Variants in ELP4 observed in about 807,000 individuals in gnomAD.
The protein encoded by ELP4 is elongator acetyltransferase complex subunit 4.
A neutral mutation model predicts 48.9 loss-of-function variants in ELP4; 51 were observed. The observed-to-expected ratio is 1.04, with a 90% confidence interval of 0.83 to 1.32. ELP4 has a LOEUF of 1.32. Ranked by LOEUF, ELP4 falls within the 40% of genes most tolerant of loss-of-function variation. The pLI is 0.00. For synonymous variants in ELP4, 210 were observed against 189.2 expected (o/e 1.11, Z -0.90); for missense variants, 519 against 514.6 (o/e 1.01, Z -0.08).
Position 31,567,984 on chromosome 11 carries a change from T to C in ELP4, c.382-26786T>C, listed in dbSNP as rs566258628. Among the ~76,000 whole-genome samples the C allele has an allele frequency of 1.4e-4, 21 of 152,314 alleles. No individual in the cohort carries two copies. In the South Asian group the frequency reaches 2.7e-3, roughly 20 times the overall value. On this transcript the variant is annotated intron_variant, in intron 3 of 9. Transcript: ENST00000640961. Reference sequence around the variant, plus strand: ...TGCCACATCAATTGACTCTTCTTCTTATTAAAGATTTGGGTCTGTACAAGT... The same window carrying C: ...TGCCACATCAATTGACTCTTCTTCTCATTAAAGATTTGGGTCTGTACAAGT...
At chr11:31,625,796 G>GA (rs1474344510) in intron 5 of ELP4, among the ~76,000 whole-genome samples, 1 of 151,744 alleles carries the variant, frequency 6.6e-6, no homozygotes, top group African/African-American at 2.4e-5. Context: ...ACTATGTTCT[G>GA]AAAAGTTGAT....
At chr11:31,650,609 C>T (rs996491710) in intron 9 of ELP4, 25 of 162,288 alleles carry the variant, frequency 1.5e-4, no homozygotes, top group African/African-American at 6.0e-4. Flanking sequence ...TTCTTATCTA[C>T]ATTTTAAAAG....
At chr11:31,745,213 A>G (rs1020465946) in intron 9 of ELP4, among the ~76,000 whole-genome samples, 1 of 152,226 alleles carries the variant, frequency 6.6e-6, no homozygotes, top group Non-Finnish European at 1.5e-5. Context: ...AAGGAGAACT[A>G]CAAACCACTG....
intron 9 of ELP4, among the ~76,000 whole-genome samples, chr11:31,778,448 T>C (rs888973058): frequency 2.0e-5 from 3 of 152,248 alleles, no homozygotes; most frequent in African/African-American, 7.2e-5. Context: ...TTGTTCGTTA[T>C]ATTTGTAGAT....
rs757792983 is a variant in ELP4 at position 31,668,675 on chromosome 11, C to CATGT, written c.1143+18454_1143+18455insATGT. On this transcript the variant is annotated intron_variant, in intron 9 of 9. Transcript: ENST00000640961. ...ATCGGAATGAAATTTCCTTTGGTAC[C>CATGT]GTGTGTGTGTGTGTGTGTGTGTGTG... is the stretch of plus-strand genomic sequence containing the variant. 5.8e-3 allele frequency among the ~76,000 whole-genome samples: 706 copies of CATGT among 121,090 alleles called. 22 individuals are homozygous for CATGT. Among genetic ancestry groups the CATGT allele is most frequent in the African/African-American group, 0.018 (593 of 32,236 alleles). The allele number at this position is 121,090 out of a possible 152,430, so 79.4% of individuals were successfully genotyped here. A position where few individuals can be genotyped will look rare whatever the true frequency, so the allele number is the denominator to read the frequency against.
intron 9 of ELP4, among the ~76,000 whole-genome samples, chr11:31,763,004 C>T (rs1273218686): frequency 6.6e-6 from 1 of 151,334 alleles, no homozygotes; most frequent in Non-Finnish European, 1.5e-5. Context: ...AACAAAAGTA[C>T]TTTAAATAAT....
At chr11:31,716,251 C>T (rs1428867077) in intron 9 of ELP4, among the ~76,000 whole-genome samples, 1 of 151,926 alleles carries the variant, frequency 6.6e-6, no homozygotes, top group African/African-American at 2.4e-5. Flanking sequence ...AGCCTCAAAC[C>T]ATTCCCCTGT....
intron 9 of ELP4, among the ~76,000 whole-genome samples, chr11:31,678,489 ATATG>A (rs1386210365): frequency 1.7e-4 from 10 of 57,356 alleles, no homozygotes; most frequent in Admixed American, 4.0e-4. Context: ...TTGCATACAT[ATATG>A]TATGTGTGTG....
At chr11:31,568,131 TA>T (rs2133952025) in intron 3 of ELP4, among the ~76,000 whole-genome samples, 1 of 152,242 alleles carries the variant, frequency 6.6e-6, no homozygotes, top group African/African-American at 2.4e-5. Context: ...AATCAATGTA[TA>T]AAAATCAGTA....
intron 2 of ELP4, among the ~76,000 whole-genome samples, chr11:31,522,370 C>G (rs1041288507): frequency 1.3e-5 from 2 of 152,174 alleles, no homozygotes; most frequent in African/African-American, 4.8e-5. Context: ...GGGTATTCCA[C>G]CCAAATATTG....
chr11:31,595,259 A>G (rs1300437443), intron 4 of ELP4, among the ~76,000 whole-genome samples: 2 of 152,158 alleles, frequency 1.3e-5, no homozygotes, highest in African/African-American at 2.4e-5. Flanking sequence ...TACATTTTCA[A>G]TCATTACATT....
At chr11:31,617,830 A>G (rs992142205) in intron 5 of ELP4, among the ~76,000 whole-genome samples, 8 of 151,992 alleles carry the variant, frequency 5.3e-5, no homozygotes, top group South Asian at 2.1e-4. Flanking sequence ...ACAAGTGTTG[A>G]CAAGGATGTG....
intron 4 of ELP4, among the ~76,000 whole-genome samples, chr11:31,603,471 G>A (rs935138362): frequency 5.3e-5 from 8 of 151,376 alleles, no homozygotes; most frequent in Non-Finnish European, 1.2e-4. Context: ...TTTGAACTTA[G>A]GAAGGCATAC....
rs551216008 is a variant in ELP4, at chr11:31,647,662, G to A, written c.928-79G>A. On this transcript the variant is annotated intron_variant, in intron 7 of 9. Transcript: ENST00000640961. The stretch of plus-strand genomic sequence containing the variant: ...CTATCTCCACTACAGTTTTTCATGA[G>A]ATGGCATAGGGATATTTTATAGATA... 1.2e-4 allele frequency: 103 copies of A among 870,552 alleles called. No individual in the cohort carries two copies. In the South Asian group the frequency reaches 1.6e-3, roughly 13 times the overall value. 53.9% of individuals were successfully genotyped at this position (870,552 alleles called of 1,614,324 possible).
At chr11:31,683,812 A>G (rs1345806576) in intron 9 of ELP4, among the ~76,000 whole-genome samples, 2 of 151,734 alleles carry the variant, frequency 1.3e-5, no homozygotes, top group East Asian at 1.9e-4. Flanking sequence ...AAATGTCAAA[A>G]TTGATAAGAG....
intron 9 of ELP4, among the ~76,000 whole-genome samples, chr11:31,696,034 T>A (rs1216837767): frequency 6.6e-6 from 1 of 152,100 alleles, no homozygotes; most frequent in Non-Finnish European, 1.5e-5. Context: ...CATTTTTTAT[T>A]GCATCTATTT....
chr11:31,665,397 G>A (rs1022515236), intron 9 of ELP4, among the ~76,000 whole-genome samples: 6 of 151,878 alleles, frequency 4.0e-5, no homozygotes, highest in Admixed American at 2.6e-4. Flanking sequence ...TATTCCTTTT[G>A]TACTATGAAG....
chr11:31,752,403 T>C (rs1334715319), intron 9 of ELP4, among the ~76,000 whole-genome samples: 2 of 152,200 alleles, frequency 1.3e-5, no homozygotes, highest in East Asian at 3.8e-4. Context: ...GAATATATTT[T>C]TCTTAATGAT....
intron 9 of ELP4, among the ~76,000 whole-genome samples, chr11:31,722,212 A>C (rs903985340): frequency 6.6e-6 from 1 of 152,188 alleles, no homozygotes; most frequent in Non-Finnish European, 1.5e-5. Flanking sequence ...GAAAACTCTT[A>C]ATATATTATT....
Sources: allele counts gnomAD v4.1 joint callset (sites outside exome capture counted in the v4.1 genomes callset), GRCh38; gene constraint gnomAD v4.1.1; transcripts MANE v1.5; gene names NCBI Gene and HGNC (gene_info 2026-07-23, HGNC 2026-07-21).